Variants in HHIPL1 observed in about 807,000 individuals in gnomAD.
HHIPL1 encodes the protein HHIP like 1, also known as HHIP-like protein 1.
In HHIPL1, 43 loss-of-function variants were observed where a neutral mutation model predicts 61.8. The observed-to-expected ratio is 0.70, with a 90% confidence interval of 0.55 to 0.90. HHIPL1 has a LOEUF of 0.90. Ranked by LOEUF, HHIPL1 falls within the 40% of genes least tolerant of loss-of-function variation. The probability of loss-of-function intolerance (pLI) is 0.00; values close to 1 mark genes in which losing one functional copy is unlikely to be tolerated. For missense variants in HHIPL1, 1,056 were observed against 1,157.7 expected (o/e 0.91, Z 1.28); for synonymous variants, 482 against 515.8 (o/e 0.93, Z 0.89).
chr14:99,637,207 A>G, the HHIPL1 span, among the ~76,000 whole-genome samples: 1 of 78,536 alleles, frequency 1.3e-5, no homozygotes, highest in Non-Finnish European at 2.9e-5. Flanking sequence ...AAAGGAAGAA[A>G]GAAAGAAAGA....
the HHIPL1 span, among the ~76,000 whole-genome samples, chr14:99,615,231 A>G: frequency 6.6e-6 from 1 of 152,194 alleles, no homozygotes; most frequent in Non-Finnish European, 1.5e-5. Context: ...TCCTTTCTCT[A>G]AAATTAGGAA....
rs1241639865 is a variant in HHIPL1 at position 99,676,900 on chromosome 14, G to C, written c.*1274G>C. 6.6e-6 allele frequency: 1 copy of C among 152,352 alleles called. No homozygotes were observed. The highest frequency in any genetic ancestry group is 1.5e-5 in the Non-Finnish European group (1 of 68,226). 9.4% of individuals were successfully genotyped at this position (152,352 alleles called of 1,614,324 possible). On this transcript the variant is annotated 3_prime_UTR_variant, in exon 9 of 9. Coordinates refer to ENST00000330710, the MANE Select transcript of HHIPL1 (RefSeq NM_001127258.3). ...GGGTGGGTAAGCAGATGAGTCACCA[G>C]GCAGTGAAGACAGGATGTGGCCCAT...
Position 99,676,663 on chromosome 14 carries a change from GT to G in HHIPL1, c.*1040del. 1 of 152,288 alleles carries G rather than the reference GT, an allele frequency of 6.6e-6. No homozygotes were observed. Among genetic ancestry groups the G allele is most frequent in the East Asian group, 1.9e-4 (1 of 5,190 alleles). 9.4% of individuals were successfully genotyped at this position (152,288 alleles called of 1,614,324 possible). ...CCAGGGCTATGCCAATAATGTGGCT[GT>G]TTACACACCACTTTCCTGCCTCCTC... On this transcript the variant is annotated 3_prime_UTR_variant, in exon 9 of 9. Coordinates refer to ENST00000330710, the MANE Select transcript of HHIPL1 (RefSeq NM_001127258.3).
the HHIPL1 span, among the ~76,000 whole-genome samples, chr14:99,638,452 C>A: frequency 6.6e-6 from 1 of 152,176 alleles, no homozygotes; most frequent in Non-Finnish European, 1.5e-5. Flanking sequence ...GCGTAGGTGC[C>A]CATACCGACC....
At chr14:99,616,572 T>C in the HHIPL1 span, among the ~76,000 whole-genome samples, 1 of 151,992 alleles carries the variant, frequency 6.6e-6, no homozygotes, top group East Asian at 1.9e-4. Context: ...TTTCCAAATA[T>C]AGAGAAAAGT....
At chr14:99,650,716 C>T (rs925915994) in intron 1 of HHIPL1, among the ~76,000 whole-genome samples, 4 of 152,242 alleles carry the variant, frequency 2.6e-5, no homozygotes, top group Non-Finnish European at 5.9e-5. Flanking sequence ...GGAGGAAATG[C>T]AGATTCATGG....
chr14:99,622,837 C>T, the HHIPL1 span, among the ~76,000 whole-genome samples: 1 of 152,218 alleles, frequency 6.6e-6, no homozygotes, highest in Admixed American at 6.5e-5. Context: ...GGGATGGTCA[C>T]CACATTAAAG....
chr14:99,647,151 T>G (rs886958557), intron 1 of HHIPL1, among the ~76,000 whole-genome samples: 1 of 151,924 alleles, frequency 6.6e-6, no homozygotes, highest in Non-Finnish European at 1.5e-5. Flanking sequence ...GCTCATATCT[T>G]AGGTGGGAAG....
chr14:99,652,739 CCCCAGCTTCCAG>C lies in HHIPL1; in HGVS notation c.773_784del (p.Pro258_Gln261del), dbSNP rs778750263. 6.2e-7 allele frequency: 1 copy of C among 1,614,062 alleles called. No individual in the cohort carries two copies. The highest frequency in any genetic ancestry group is 1.1e-5 in the South Asian group (1 of 91,082). ...GTGGCTTCCTGGGCATTGCCTTCCACCCCAGCTTCCAGCACAACCGCAGGCTCTACGTCTACT... is the reference window on the plus strand; with the variant it reads ...GTGGCTTCCTGGGCATTGCCTTCCACCACAACCGCAGGCTCTACGTCTACT... On this transcript the variant is annotated inframe_deletion, in exon 2 of 9. Coordinates refer to ENST00000330710, the MANE Select transcript of HHIPL1 (RefSeq NM_001127258.3).
chr14:99,656,791 GA>G (rs1428002923), intron 2 of HHIPL1, among the ~76,000 whole-genome samples: 1 of 2,376 alleles, frequency 4.2e-4, no homozygotes, highest in Non-Finnish European at 5.2e-3. Flanking sequence ...GAAAAGAAAA[GA>G]AAGAAAGAAA....
upstream of HHIPL1, among the ~76,000 whole-genome samples, chr14:99,644,656 G>A (rs1322688608): frequency 2.0e-5 from 3 of 152,154 alleles, no homozygotes; most frequent in Non-Finnish European, 4.4e-5. Context: ...CACAGTAAGG[G>A]CAAAGGGTGG....
the HHIPL1 span, among the ~76,000 whole-genome samples, chr14:99,626,476 C>T: frequency 4.6e-5 from 7 of 152,168 alleles, no homozygotes; most frequent in Non-Finnish European, 1.0e-4. Context: ...GCCCATCCAG[C>T]TACCTCCACT....
At position 99,675,352 on chromosome 14, in the gene HHIPL1, T is replaced by A. The variant is rs7158073; in HGVS notation, c.2075T>A (p.Val692Glu). 1 of 1,477,740 alleles carries A rather than the reference T, an allele frequency of 6.8e-7. No homozygotes were observed. The highest frequency in any genetic ancestry group is 9.0e-7 in the Non-Finnish European group (1 of 1,114,854). The allele number at this position is 1,477,740 out of a possible 1,614,324, so 91.5% of individuals were successfully genotyped here. Residue 692 changes from valine to glutamate, a missense_variant, in exon 9 of 9, where the codon GTG becomes GAG. Physicochemically the swap from Val to Glu is moderately radical, Grantham distance 121. Coordinates refer to ENST00000330710, the MANE Select transcript of HHIPL1 (RefSeq NM_001127258.3). This position sits in a 1 kb window ranked among gnomAD's most constrained non-coding sequence, Gnocchi z 5.4. ...SSGSGRVEVF[V>E]GGRWGTVCDD... ...GGCAGCGGGCGCGTGGAGGTGTTCG[T>A]GGGCGGACGCTGGGGCACCGTGTGC... is the stretch of plus-strand genomic sequence containing the variant.
chr14:99,645,755 G>A (rs924007198), intron 1 of HHIPL1, among the ~76,000 whole-genome samples: 1 of 152,212 alleles, frequency 6.6e-6, no homozygotes, highest in Non-Finnish European at 1.5e-5. Context: ...TCAGAGGTTG[G>A]GGGCTCTTCT....
the HHIPL1 span, among the ~76,000 whole-genome samples, chr14:99,610,346 A>G: frequency 1.3e-5 from 2 of 152,142 alleles, no homozygotes; most frequent in African/African-American, 4.8e-5. Context: ...TCTGCTTTTG[A>G]TGCTCCTGCA....
rs2055806666 is a variant in HHIPL1, at chr14:99,645,130, C to G, written c.-78C>G. 1 of 1,212,594 alleles carries G rather than the reference C, an allele frequency of 8.2e-7. No individual in the cohort carries two copies. The highest frequency in any genetic ancestry group is 3.5e-5 in the South Asian group (1 of 28,566). The allele number at this position is 1,212,594 out of a possible 1,614,324, so 75.1% of individuals were successfully genotyped here. Reference sequence around the variant, plus strand: ...CGTGTAGGGAAGGGGAGCGCCCGCCCCTTCCCTGCCGCCGCGAGCGCCCCG... The same window carrying G: ...CGTGTAGGGAAGGGGAGCGCCCGCCGCTTCCCTGCCGCCGCGAGCGCCCCG... On this transcript the variant is annotated 5_prime_UTR_variant, in exon 1 of 9. Transcript: ENST00000330710.
chr14:99,647,402 A>G (rs1295325610), intron 1 of HHIPL1, among the ~76,000 whole-genome samples: 1 of 152,192 alleles, frequency 6.6e-6, no homozygotes, highest in African/African-American at 2.4e-5. Context: ...ACATTTGTCT[A>G]TTGAGCACTT....
At chr14:99,650,561 A>G (rs746634803) in intron 1 of HHIPL1, among the ~76,000 whole-genome samples, 1 of 152,142 alleles carries the variant, frequency 6.6e-6, no homozygotes, top group Non-Finnish European at 1.5e-5. Context: ...GGTAGTTGGG[A>G]GCTGGCCAGT....
intron 7 of HHIPL1, chr14:99,669,393 GTT>G: frequency 1.1e-6 from 1 of 943,816 alleles, no homozygotes; most frequent in Non-Finnish European, 1.3e-6. Context: ...AAGGCCTGAG[GTT>G]GCACTCCGAG....
Sources: gnomAD v4.1 joint callset for allele counts (sites outside exome capture counted in the v4.1 genomes callset) on GRCh38, gnomAD v4.1.1 for gene constraint, Gnocchi (gnomAD v3.1) non-coding constraint, MANE v1.5 for transcripts, NCBI Gene and HGNC (gene_info 2026-07-23, HGNC 2026-07-21) for gene names.